The following ANKRD11 variants were observed in gnomAD, a reference collection of about 807,000 sequenced individuals.
ANKRD11 encodes the protein ankyrin repeat domain 11.
Under a neutral mutation model 195.7 loss-of-function variants are expected in ANKRD11, and 17 were observed. That is an observed-to-expected ratio of 0.09 (90% CI 0.06 to 0.13). The LOEUF is 0.13. Ranked by LOEUF, ANKRD11 falls within the 10% of genes least tolerant of loss-of-function variation. The pLI, the probability that ANKRD11 is intolerant of heterozygous loss-of-function variation, is 1.00. For missense variants in ANKRD11, 3,735 were observed against 3,566.1 expected, an observed-to-expected ratio of 1.05 and a Z score of -1.21; for synonymous variants, 1,953 against 1,528.1, an observed-to-expected ratio of 1.28 and a Z score of -6.49.
intron 2 of ANKRD11, among the ~76,000 whole-genome samples, chr16:89,330,083 T>A (rs1427359313): frequency 6.6e-6 from 1 of 152,190 alleles, no homozygotes; most frequent in Admixed American, 6.5e-5. Flanking sequence ...AACATTTTAA[T>A]AATGTTTAAA....
chr16:89,427,065 CAGAGCTGCATGATACA>C (rs1483903095), intron 1 of ANKRD11, among the ~76,000 whole-genome samples: 1 of 152,196 alleles, frequency 6.6e-6, no homozygotes, highest in Non-Finnish European at 1.5e-5. Flanking sequence ...ATCAATTCAG[CAGAGCTGCATGATACA>C]AGATCAATAT....
intron 2 of ANKRD11, among the ~76,000 whole-genome samples, chr16:89,370,366 C>T (rs1264996456): frequency 4.6e-5 from 7 of 152,136 alleles, no homozygotes; most frequent in African/African-American, 1.4e-4. Context: ...CAGGCGTGCC[C>T]GGTACCTGCC....
In ANKRD11 at chr16:89,339,380, CAA is replaced by C. The variant is rs538344423; in HGVS notation, c.-59-22304_-59-22303del. Among the ~76,000 whole-genome samples, 93 of 151,660 alleles carry C rather than the reference CAA, an allele frequency of 6.1e-4. 4 individuals carry two copies. The South Asian group carries it at 0.019, about 30-fold the overall frequency. ...GCAAACAAACAAACAAACAAACAAACAAAGAGAAACCAAGAACTGGGAAAGCT... is the reference window on the plus strand; with the variant it reads ...GCAAACAAACAAACAAACAAACAAACAGAGAAACCAAGAACTGGGAAAGCT... On this transcript the variant is annotated intron_variant, in intron 2 of 12. Coordinates refer to ENST00000301030, the MANE Select transcript of ANKRD11 (RefSeq NM_013275.6).
chr16:89,486,423 G>A (rs902980060), intron 1 of ANKRD11, among the ~76,000 whole-genome samples: 1 of 144,730 alleles, frequency 6.9e-6, no homozygotes, highest in African/African-American at 2.6e-5. Flanking sequence ...CCTCCAGCCT[G>A]AGCAACACAC....
chr16:89,384,472 A>G (rs1597227707), intron 2 of ANKRD11, among the ~76,000 whole-genome samples: 1 of 150,346 alleles, frequency 6.7e-6, no homozygotes, highest in Admixed American at 6.6e-5. Context: ...GGGACAGGAC[A>G]AGATGGGAAT....
In ANKRD11 at chr16:89,284,546, G is replaced by T. The variant is rs747922528; in HGVS notation, c.1996C>A (p.Gln666Lys). 1 of 1,614,048 alleles carries T rather than the reference G, an allele frequency of 6.2e-7. No homozygotes were observed. Among genetic ancestry groups the T allele is most frequent in the East Asian group, 2.2e-5 (1 of 44,882 alleles). ...AACAGTATAGCCTTATCTGACTTCT[G>T]CTTGGAGTCCTCATATTCGTAAGTA... ...SFTYEYEDSKQKSDKAILLEN... is the reference protein window; with the variant it reads ...SFTYEYEDSKKKSDKAILLEN... The change falls in exon 9 of 13, where the codon CAG (glutamine) becomes AAG (lysine). Residue 666 changes from glutamine (Q) to lysine (K), a missense_variant. By Grantham distance (53) the Gln-to-Lys change is moderately conservative (BLOSUM62 1). Coordinates refer to ENST00000301030, the MANE Select transcript of ANKRD11 (RefSeq NM_013275.6).
chr16:89,304,786 C>T (rs1434597072), intron 4 of ANKRD11, among the ~76,000 whole-genome samples: 1 of 152,228 alleles, frequency 6.6e-6, no homozygotes, highest in Non-Finnish European at 1.5e-5. Context: ...GACCTCCCTG[C>T]CTCCTGCTCA....
chr16:89,383,678 G>A (rs1010429428), intron 2 of ANKRD11, among the ~76,000 whole-genome samples: 9 of 151,926 alleles, frequency 5.9e-5, no homozygotes, highest in African/African-American at 1.9e-4. Flanking sequence ...GACCAGCAAC[G>A]CAGCAGACGT....
intron 2 of ANKRD11, among the ~76,000 whole-genome samples, chr16:89,397,460 G>A (rs1044097777): frequency 6.6e-6 from 1 of 152,250 alleles, no homozygotes; most frequent in Non-Finnish European, 1.5e-5. Flanking sequence ...CACACAGGGG[G>A]ACCCACAGGA....
chr16:89,361,908 G>A (rs569735260), intron 2 of ANKRD11, among the ~76,000 whole-genome samples: 1 of 152,324 alleles, frequency 6.6e-6, no homozygotes, highest in East Asian at 1.9e-4. Flanking sequence ...GACAGTAAAG[G>A]TCAGACGGGG....
At chr16:89,487,770 AAAAAAT>A (rs1206833094) in intron 1 of ANKRD11, among the ~76,000 whole-genome samples, 1 of 152,192 alleles carries the variant, frequency 6.6e-6, no homozygotes, top group African/African-American at 2.4e-5. Context: ...CGAGACTCCA[AAAAAAT>A]AAAAATAAAA....
intron 2 of ANKRD11, among the ~76,000 whole-genome samples, chr16:89,355,917 AC>A (rs1225353284): frequency 6.6e-6 from 1 of 152,126 alleles, no homozygotes; most frequent in Non-Finnish European, 1.5e-5. Context: ...AGCTCGGGAG[AC>A]CAGGGCTCAG....
chr16:89,301,812 C>T (rs551089466), intron 4 of ANKRD11, among the ~76,000 whole-genome samples: 20 of 152,316 alleles, frequency 1.3e-4, no homozygotes, highest in African/African-American at 4.1e-4. Flanking sequence ...GACTAAGCAC[C>T]GCAGAGGCCA....
intron 9 of ANKRD11, among the ~76,000 whole-genome samples, chr16:89,276,416 G>A (rs1314242958): frequency 1.3e-5 from 2 of 152,180 alleles, no homozygotes; most frequent in Non-Finnish European, 2.9e-5. Flanking sequence ...ACACACCACA[G>A]AGGGAGAGAC....
intron 1 of ANKRD11, among the ~76,000 whole-genome samples, chr16:89,464,953 G>C (rs1315940741): frequency 1.3e-5 from 2 of 152,224 alleles, no homozygotes; most frequent in Admixed American, 1.3e-4. Context: ...GGCCGAATCT[G>C]GCCCAATGTC....
rs776557887 is a variant in ANKRD11 at position 89,279,319 on chromosome 16, C to T, written c.7223G>A (p.Arg2408Gln). 2 of 1,611,762 alleles carry T rather than the reference C, an allele frequency of 1.2e-6. No individual in the cohort carries two copies. Among genetic ancestry groups the T allele is most frequent in the African/African-American group, 1.3e-5 (1 of 74,864 alleles). ...QQLNTSTQQT[R>Q]EVIQQTLAAI... The stretch of plus-strand genomic sequence containing the variant: ...GGCCAGCGTCTGCTGGATCACCTCC[C>T]GCGTCTGCTGCGTGGACGTGTTCAG... The change falls in exon 9 of 13, where the codon CGG (arginine) becomes CAG (glutamine). Residue 2408 changes from arginine (R) to glutamine (Q), a missense_variant. By Grantham distance (43) the Arg-to-Gln change is conservative. Coordinates refer to ENST00000301030, the MANE Select transcript of ANKRD11 (RefSeq NM_013275.6). This position sits in a 1 kb window ranked among gnomAD's most constrained non-coding sequence, Gnocchi z 5.6.
rs137894790 is a variant in ANKRD11, at chr16:89,283,111, G to T, written c.3431C>A (p.Pro1144Gln). Reference protein sequence around the residue: ...GFKMGEASDLPRTDGLQEKEE... With the variant: ...GFKMGEASDLQRTDGLQEKEE... ...CTTCTCCTGGAGGCCGTCCGTCCTCGGCAAGTCGCTGGCCTCTCCCATCTT... is the reference window on the plus strand; with the variant it reads ...CTTCTCCTGGAGGCCGTCCGTCCTCTGCAAGTCGCTGGCCTCTCCCATCTT... The change falls in exon 9 of 13, where the codon CCG becomes CAG. Residue 1144 changes from proline to glutamine, a missense_variant. By Grantham distance (76) the Pro-to-Gln change is moderately conservative. Coordinates refer to ENST00000301030, the MANE Select transcript of ANKRD11 (RefSeq NM_013275.6). The surrounding 1 kb of genome is among the most constrained non-coding windows in gnomAD (Gnocchi z 4.3). 43 of 1,613,742 alleles carry T rather than the reference G, an allele frequency of 2.7e-5. No homozygotes were observed. Among genetic ancestry groups the T allele is most frequent in the Non-Finnish European group, 3.0e-5 (35 of 1,180,024 alleles).
At chr16:89,365,110 T>C (rs904623195) in intron 2 of ANKRD11, among the ~76,000 whole-genome samples, 1 of 152,238 alleles carries the variant, frequency 6.6e-6, no homozygotes, top group African/African-American at 2.4e-5. Flanking sequence ...AAGACTCTCC[T>C]TCCCTTATGA....
chr16:89,270,301 T>G, intron 12 of ANKRD11: 1 of 211,986 alleles, frequency 4.7e-6, no homozygotes, highest in Non-Finnish European at 9.6e-6. Flanking sequence ...GCCTGGCTGG[T>G]GACTGTACAG....
Sources: allele counts gnomAD v4.1 joint callset (sites outside exome capture counted in the v4.1 genomes callset), GRCh38; gene constraint gnomAD v4.1.1; non-coding constraint Gnocchi (gnomAD v3.1); transcripts MANE v1.5; gene names NCBI Gene and HGNC (gene_info 2026-07-23, HGNC 2026-07-21).